CDC42BPA: variants seen among roughly 807,000 people sequenced by gnomAD.
The protein encoded by CDC42BPA is CDC42 binding protein kinase alpha.
In CDC42BPA, 80 loss-of-function variants were observed where a neutral mutation model predicts 223.5. The ratio of observed to expected loss-of-function variants is 0.36; its 90% CI spans 0.30 to 0.43. The LOEUF is 0.43. CDC42BPA is among the 20% of genes least tolerant of loss of function. The probability of loss-of-function intolerance (pLI) is 1.00; values close to 1 mark genes in which losing one functional copy is unlikely to be tolerated. For synonymous variants in CDC42BPA, 694 were observed against 718.6 expected, an observed-to-expected ratio of 0.97 and a Z score of 0.55; for missense variants, 1,743 against 2,099.9, an observed-to-expected ratio of 0.83 and a Z score of 3.32.
chr1:226,997,847 G>T (rs1349390009), intron 35 of CDC42BPA, among the ~76,000 whole-genome samples: 1 of 152,154 alleles, frequency 6.6e-6, no homozygotes, highest in Admixed American at 6.5e-5. Flanking sequence ...CATTTGGTGA[G>T]GAGTGTTTTA....
At chr1:227,062,230 C>T (rs1275817263) in intron 21 of CDC42BPA, among the ~76,000 whole-genome samples, 2 of 152,146 alleles carry the variant, frequency 1.3e-5, no homozygotes, top group Non-Finnish European at 1.5e-5. Flanking sequence ...TCCACAATCC[C>T]GTAACTCCCT....
intron 11 of CDC42BPA, among the ~76,000 whole-genome samples, chr1:227,120,761 TCTG>T (rs1193318908): frequency 3.3e-5 from 5 of 152,196 alleles, no homozygotes; most frequent in African/African-American, 1.2e-4. Context: ...CATTATCGGT[TCTG>T]CTCTGGATAT....
At chr1:227,054,813 T>C (rs1674230410) in intron 21 of CDC42BPA, among the ~76,000 whole-genome samples, 1 of 152,112 alleles carries the variant, frequency 6.6e-6, no homozygotes, top group African/African-American at 2.4e-5. Context: ...AAATATTTAA[T>C]TTAAATGAAA....
Position 227,130,090 on chromosome 1 carries a change from T to C in CDC42BPA, c.1391-859A>G, listed in dbSNP as rs138090636. 2.2e-3 allele frequency among the ~76,000 whole-genome samples: 332 copies of C among 152,350 alleles called. 3 individuals carry two copies. The highest frequency in any genetic ancestry group is 7.6e-3 in the African/African-American group (314 of 41,586). On this transcript the variant is annotated intron_variant, in intron 10 of 36. Coordinates refer to ENST00000366766, the MANE Select transcript of CDC42BPA (RefSeq NM_001394014.1). ...AAAACAATAACTCTATTGAGGCTTA[T>C]TCCCAGATATCATCAAAAGACATGG...
At chr1:227,168,125 A>AT (rs1379066250) in intron 5 of CDC42BPA, among the ~76,000 whole-genome samples, 1 of 151,998 alleles carries the variant, frequency 6.6e-6, no homozygotes, top group East Asian at 1.9e-4. Context: ...GGGTTTCACC[A>AT]TGTTAGTCAG....
chr1:227,165,955 A>G (rs756340795), intron 5 of CDC42BPA, among the ~76,000 whole-genome samples: 2 of 152,234 alleles, frequency 1.3e-5, no homozygotes, highest in Non-Finnish European at 2.9e-5. Context: ...ATACATGTGT[A>G]AATGTCTGAA....
intron 16 of CDC42BPA, among the ~76,000 whole-genome samples, chr1:227,082,499 G>A (rs950403176): frequency 3.3e-5 from 5 of 151,854 alleles, no homozygotes; most frequent in African/African-American, 1.2e-4. Flanking sequence ...TGGATCACGA[G>A]GTCAGGAGAT....
chr1:227,086,042 G>A (rs1360305213), intron 16 of CDC42BPA, among the ~76,000 whole-genome samples: 5 of 152,128 alleles, frequency 3.3e-5, no homozygotes, highest in African/African-American at 2.4e-5. Context: ...TTCTGTTTCT[G>A]TAGAAACATT....
chr1:227,277,228 T>C (rs991847425), intron 1 of CDC42BPA, among the ~76,000 whole-genome samples: 26 of 134,948 alleles, frequency 1.9e-4, no homozygotes, highest in African/African-American at 7.3e-4. Context: ...ACTTGCCAAA[T>C]GACCAACAGA....
intron 23 of CDC42BPA, among the ~76,000 whole-genome samples, chr1:227,041,048 G>C (rs1263300418): frequency 6.6e-6 from 1 of 151,984 alleles, no homozygotes; most frequent in Non-Finnish European, 1.5e-5. Flanking sequence ...CTACAAAACA[G>C]GATAAATAAT....
chr1:227,113,493 A>G (rs1421778000), intron 12 of CDC42BPA, among the ~76,000 whole-genome samples: 1 of 152,234 alleles, frequency 6.6e-6, no homozygotes, highest in East Asian at 1.9e-4. Context: ...ACAACCACAG[A>G]TTCCAAAATA....
intron 34 of CDC42BPA, among the ~76,000 whole-genome samples, chr1:227,012,841 A>G (rs181672222): frequency 6.6e-6 from 1 of 152,240 alleles, no homozygotes; most frequent in African/African-American, 2.4e-5. Context: ...CATGCATATT[A>G]TTATTATTTT....
At chr1:227,268,201 T>C (rs1685322579) in intron 1 of CDC42BPA, among the ~76,000 whole-genome samples, 1 of 152,098 alleles carries the variant, frequency 6.6e-6, no homozygotes, top group South Asian at 2.1e-4. Flanking sequence ...AACACAGGTG[T>C]TTTTATTGGA....
At chr1:227,029,331 C>G (rs920728441) in intron 29 of CDC42BPA, 81 bp from the exon 30 acceptor site, 5 of 882,122 alleles carry the variant, frequency 5.7e-6, no homozygotes, top group African/African-American at 1.7e-5. Flanking sequence ...GGATGTAAGT[C>G]AACTTACAGA....
In CDC42BPA at chr1:227,032,575, T is replaced by A. The variant is rs959423977; in HGVS notation, c.3558+759A>T. 2.6e-5 allele frequency among the ~76,000 whole-genome samples: 4 copies of A among 152,068 alleles called. No homozygotes were observed. The South Asian group carries it at 8.3e-4, about 31-fold the overall frequency. ...ATCAAGAGGTGGAGTCTATTTCCCC[T>A]CCCCTTAAATCTGGGCTGACCTCAT... is the stretch of plus-strand genomic sequence containing the variant. On this transcript the variant is annotated intron_variant, in intron 27 of 36. Coordinates refer to ENST00000366766, the MANE Select transcript of CDC42BPA (RefSeq NM_001394014.1).
At chr1:227,132,965 C>G (rs558708010) in intron 10 of CDC42BPA, among the ~76,000 whole-genome samples, 1 of 151,572 alleles carries the variant, frequency 6.6e-6, no homozygotes, top group African/African-American at 2.4e-5. Flanking sequence ...TGAGGAGCCC[C>G]GCCGTCCGGC....
At chr1:227,236,149 A>G (rs968325530) in intron 2 of CDC42BPA, among the ~76,000 whole-genome samples, 3 of 152,212 alleles carry the variant, frequency 2.0e-5, no homozygotes, top group African/African-American at 7.2e-5. Context: ...CAACTCTGCT[A>G]GTTGCAGACT....
chr1:227,100,706 A>T (rs1270100521), intron 15 of CDC42BPA, among the ~76,000 whole-genome samples: 1 of 143,624 alleles, frequency 7.0e-6, no homozygotes, highest in African/African-American at 2.6e-5. Flanking sequence ...TAAGTAGCTC[A>T]GATTATAGGT....
intron 32 of CDC42BPA, among the ~76,000 whole-genome samples, chr1:227,018,957 C>T (rs1163082681): frequency 2.0e-5 from 3 of 152,190 alleles, no homozygotes; most frequent in African/African-American, 4.8e-5. Flanking sequence ...GCTGACTGAG[C>T]AGGGTGGTGG....
Sources: allele counts gnomAD v4.1 joint callset (sites outside exome capture counted in the v4.1 genomes callset), GRCh38; gene constraint gnomAD v4.1.1; transcripts MANE v1.5; gene names NCBI Gene and HGNC (gene_info 2026-07-23, HGNC 2026-07-21).